The following PRDM2 variants were observed in gnomAD, a reference collection of about 807,000 sequenced individuals.
The protein encoded by PRDM2 is PR/SET domain 2.
PRDM2 carries 30 observed loss-of-function variants against 130.0 expected under a neutral mutation model. The observed-to-expected ratio is 0.23, with a 90% CI of 0.17 to 0.31. The LOEUF is 0.31. PRDM2 is among the 10% of genes least tolerant of loss of function. The pLI is 1.00. For synonymous variants in PRDM2, 871 were observed against 782.4 expected (o/e 1.11, Z -1.89); for missense variants, 2,011 against 2,108.4 (o/e 0.95, Z 0.90).
At chr1:13,812,694 G>A (rs1645193100) in intron 8 of PRDM2, among the ~76,000 whole-genome samples, 1 of 152,186 alleles carries the variant, frequency 6.6e-6, no homozygotes. Context: ...AAGTCTGACC[G>A]AAGTGTTGAC....
intron 2 of PRDM2, among the ~76,000 whole-genome samples, chr1:13,720,184 A>T (rs150468951): frequency 1.4e-3 from 220 of 152,332 alleles, no homozygotes; most frequent in Non-Finnish European, 2.3e-3. Flanking sequence ...AGACGCTAAT[A>T]AAATTTGCTT....
rs1167322093 is a variant in PRDM2 at position 13,749,498 on chromosome 1, C to T, written c.511+11C>T. 1 of 1,352,516 alleles carries T rather than the reference C, an allele frequency of 7.4e-7. No individual in the cohort carries two copies. Among genetic ancestry groups the T allele is most frequent in the South Asian group, 1.3e-5 (1 of 76,474 alleles). 83.8% of individuals were successfully genotyped at this position (1,352,516 alleles called of 1,614,324 possible). On this transcript the variant is annotated intron_variant, in intron 6 of 9. Transcript: ENST00000311066. ...CCAAGAGCCGGAAAGGTAGGAGCCC[C>T]CCGGCCCGCCCGCCCGGCCCCGGCG...
intron 8 of PRDM2, among the ~76,000 whole-genome samples, chr1:13,785,286 T>C (rs988755098): frequency 6.6e-6 from 1 of 152,236 alleles, no homozygotes; most frequent in African/African-American, 2.4e-5. Context: ...ATACTCACTT[T>C]CACTCTGTTT....
In PRDM2 at chr1:13,797,927, C is replaced by A. The variant is rs142344529; in HGVS notation, c.5036+15096C>A. 1.3e-3 allele frequency among the ~76,000 whole-genome samples: 196 copies of A among 152,192 alleles called. 2 individuals carry two copies. The highest frequency in any genetic ancestry group is 3.9e-3 in the South Asian group (19 of 4,828). On this transcript the variant is annotated intron_variant, in intron 8 of 9. Coordinates refer to ENST00000311066, the MANE Select transcript of PRDM2 (RefSeq NM_001393986.1). ...TTTCTTCTGATTTTGATTTTAAATTCTTTTCCTTTGCTTGTTTACCATCTC... is the reference window on the plus strand; with the variant it reads ...TTTCTTCTGATTTTGATTTTAAATTATTTTCCTTTGCTTGTTTACCATCTC...
Position 13,779,070 on chromosome 1 carries a change from G to A in PRDM2, c.1275G>A (p.Gln425=). Reference sequence around the variant, plus strand: ...AGCGGAAACCCAGCCAAACACTACAGCCGTCAGAGGATCTGGCTGATGGCA... The same window carrying A: ...AGCGGAAACCCAGCCAAACACTACAACCGTCAGAGGATCTGGCTGATGGCA... ...GLKRKPSQTL[Q]PSEDLADGKA... The change falls in exon 8 of 10, where the codon CAG becomes CAA. Residue 425 remains glutamine (Q), a synonymous_variant. Transcript: ENST00000311066. The surrounding 1 kb of genome is among the most constrained non-coding windows in gnomAD (Gnocchi z 4.9). 1 of 1,614,190 alleles carries A rather than the reference G, an allele frequency of 6.2e-7. No homozygotes were observed. Among genetic ancestry groups the A allele is most frequent in the Non-Finnish European group, 8.5e-7 (1 of 1,180,050 alleles).
chr1:13,800,779 C>T (rs1644994406), intron 8 of PRDM2, among the ~76,000 whole-genome samples: 1 of 152,194 alleles, frequency 6.6e-6, no homozygotes, highest in African/African-American at 2.4e-5. Flanking sequence ...GCTGGGCCGG[C>T]TCTCACTGAA....
At chr1:13,700,505 C>T (rs1194057604) in intron 1 of PRDM2, among the ~76,000 whole-genome samples, 1 of 150,250 alleles carries the variant, frequency 6.7e-6, no homozygotes, top group African/African-American at 2.4e-5. Flanking sequence ...TCGGTGGCCC[C>T]GCGGGTGGGT....
intron 9 of PRDM2, among the ~76,000 whole-genome samples, chr1:13,819,784 G>C (rs1389704407): frequency 6.6e-6 from 1 of 152,162 alleles, no homozygotes; most frequent in Non-Finnish European, 1.5e-5. Context: ...CACGTGGCGG[G>C]GGCCTGGGGG....
intron 9 of PRDM2, among the ~76,000 whole-genome samples, chr1:13,821,864 C>T (rs999266640): frequency 2.0e-5 from 3 of 152,178 alleles, no homozygotes; most frequent in Admixed American, 6.5e-5. Flanking sequence ...AACAGCCATC[C>T]CCTCCCGACT....
intron 8 of PRDM2, among the ~76,000 whole-genome samples, chr1:13,809,530 T>C (rs1025834200): frequency 6.6e-6 from 1 of 150,746 alleles, no homozygotes; most frequent in Non-Finnish European, 1.5e-5. Context: ...AGGCGTGAGG[T>C]GGGGTCATAA....
At chr1:13,753,635 TA>T (rs995901884) in intron 6 of PRDM2, among the ~76,000 whole-genome samples, 53 of 152,222 alleles carry the variant, frequency 3.5e-4, no homozygotes, top group African/African-American at 1.3e-3. Flanking sequence ...TAAGGTAGTC[TA>T]AAAAAAGTGC....
In PRDM2 at chr1:13,779,453, T is replaced by C. The variant is rs775721435; in HGVS notation, c.1658T>C (p.Val553Ala). Residue 553 changes from valine to alanine, a missense_variant, in exon 8 of 10, where the codon GTG (valine) becomes GCG (alanine). Physicochemically the swap from Val to Ala is moderately conservative, Grantham distance 64. Coordinates refer to ENST00000311066, the MANE Select transcript of PRDM2 (RefSeq NM_001393986.1). This position sits in a 1 kb window ranked among gnomAD's most constrained non-coding sequence, Gnocchi z 4.9. ...GAGGAGGAAGGGGAAGCAGATGATG[T>C]GTACATCATGGACATTTCTAGCAAT... ...EPEEEGEADD[V>A]YIMDISSNIS... 1 of 1,614,174 alleles carries C rather than the reference T, an allele frequency of 6.2e-7. No individual in the cohort carries two copies. The highest frequency in any genetic ancestry group is 1.1e-5 in the South Asian group (1 of 91,086).
chr1:13,711,026 A>T (rs1642352890), intron 1 of PRDM2, among the ~76,000 whole-genome samples: 1 of 151,280 alleles, frequency 6.6e-6, no homozygotes, highest in Middle Eastern at 3.4e-3. Flanking sequence ...TGGAGCTTGC[A>T]GTGAGCTGAG....
At chr1:13,739,873 C>CT (rs1356464077) in intron 4 of PRDM2, among the ~76,000 whole-genome samples, 1 of 152,094 alleles carries the variant, frequency 6.6e-6, no homozygotes, top group Non-Finnish European at 1.5e-5. Context: ...CCTTTCCTAT[C>CT]TTTAAGAAAT....
At chr1:13,791,627 A>C (rs974562636) in intron 8 of PRDM2, among the ~76,000 whole-genome samples, 1 of 152,184 alleles carries the variant, frequency 6.6e-6, no homozygotes, top group African/African-American at 2.4e-5. Flanking sequence ...CCGATACCTT[A>C]TTTTTAAAGT....
intron 3 of PRDM2, 62 bp downstream of exon 3, chr1:13,731,179 C>CA: frequency 1.5e-6 from 2 of 1,311,462 alleles, no homozygotes; most frequent in Non-Finnish European, 2.2e-6. Context: ...AGTGAGGCTT[C>CA]CTGCAGGGGC....
intron 8 of PRDM2, among the ~76,000 whole-genome samples, chr1:13,793,768 C>G (rs757289511): frequency 4.6e-5 from 7 of 152,082 alleles, no homozygotes; most frequent in Non-Finnish European, 8.8e-5. Flanking sequence ...GTTGGAAGAA[C>G]TGTCTTAGGT....
At chr1:13,736,314 A>G (rs780086118) in intron 4 of PRDM2, among the ~76,000 whole-genome samples, 28 of 151,908 alleles carry the variant, frequency 1.8e-4, no homozygotes, top group Non-Finnish European at 3.5e-4. Context: ...GGGTTTCACC[A>G]TGTTGCCCAG....
chr1:13,711,487 G>A (rs1277689802), intron 1 of PRDM2, among the ~76,000 whole-genome samples: 1 of 152,190 alleles, frequency 6.6e-6, no homozygotes, highest in African/African-American at 2.4e-5. Context: ...AAAATGATTG[G>A]AGGCACTGCC....
Sources: gnomAD v4.1 joint callset for allele counts (sites outside exome capture counted in the v4.1 genomes callset) on GRCh38, gnomAD v4.1.1 for gene constraint, Gnocchi (gnomAD v3.1) non-coding constraint, MANE v1.5 for transcripts, NCBI Gene and HGNC (gene_info 2026-07-23, HGNC 2026-07-21) for gene names.